The following ADAMTS12 variants were observed in gnomAD, a reference collection of about 807,000 sequenced individuals.
ADAMTS12 encodes ADAM metallopeptidase with thrombospondin type 1 motif 12.
ADAMTS12 carries 118 observed loss-of-function variants against 167.8 expected under a neutral mutation model. The observed-to-expected ratio is 0.70, with a 90% CI of 0.61 to 0.82. ADAMTS12 has a LOEUF of 0.82. Ranked by LOEUF, ADAMTS12 falls within the 40% of genes least tolerant of loss-of-function variation. ADAMTS12 has a pLI of 0.00. For missense variants in ADAMTS12, 1,916 were observed against 1,998.8 expected (o/e 0.96, Z 0.79); for synonymous variants, 704 against 716.9 (o/e 0.98, Z 0.29).
intron 2 of ADAMTS12, among the ~76,000 whole-genome samples, chr5:33,762,373 T>C (rs1340971585): frequency 6.6e-6 from 1 of 151,558 alleles, no homozygotes; most frequent in Non-Finnish European, 1.5e-5. Flanking sequence ...CGGGGCGTGG[T>C]GGCGGGCGCC....
In ADAMTS12 at chr5:33,658,258, A is replaced by C. The variant is rs755684453; in HGVS notation, c.1116T>G (p.Pro372=). The C allele has an allele frequency of 6.2e-7, 1 of 1,613,728 alleles. No individual in the cohort carries two copies. The highest frequency in any genetic ancestry group is 1.3e-5 in the African/African-American group (1 of 75,028). Residue 372 remains proline (P), a synonymous_variant, in exon 7 of 24, where the codon CCT becomes CCG. Coordinates refer to ENST00000504830, the MANE Select transcript of ADAMTS12 (RefSeq NM_030955.4). The part of the protein sequence containing the change: ...GLSHLSGMCQ[P]HRSCNINEDS... ...CTTCATTGATGTTACAACTGCGGTGAGGCTGACACATTCCTGAAAGGTGAG... is the reference window on the plus strand; with the variant it reads ...CTTCATTGATGTTACAACTGCGGTGCGGCTGACACATTCCTGAAAGGTGAG...
At chr5:33,609,150 T>C (rs947540813) in intron 16 of ADAMTS12, among the ~76,000 whole-genome samples, 4 of 152,138 alleles carry the variant, frequency 2.6e-5, no homozygotes, top group African/African-American at 9.7e-5. Flanking sequence ...TTGGAATAAT[T>C]GATTATTCCT....
At chr5:33,631,854 C>T (rs1427101081) in intron 12 of ADAMTS12, among the ~76,000 whole-genome samples, 1 of 152,096 alleles carries the variant, frequency 6.6e-6, no homozygotes, top group Non-Finnish European at 1.5e-5. Flanking sequence ...ATGGGCAGGG[C>T]TGTTAGTTCC....
At position 33,577,139 on chromosome 5, in the gene ADAMTS12, C is replaced by T. The variant is rs899912281; in HGVS notation, c.2887G>A (p.Gly963Arg). The T allele has an allele frequency of 1.9e-6, 3 of 1,614,046 alleles. No individual in the cohort carries two copies. Among genetic ancestry groups the T allele is most frequent in the Non-Finnish European group, 2.5e-6 (3 of 1,180,028 alleles). ...WSECSVSCGG[G>R]VRIRSVTCAK... ...CATGTGACACTGCGAATCCGCACTC[C>T]ACCACCACAGGAAACAGAACACTAG... The change falls in exon 19 of 24, where the codon GGA (glycine) becomes AGA (arginine). Residue 963 changes from glycine to arginine, a missense_variant. Gly to Arg is a moderately radical substitution (Grantham distance 125). Transcript: ENST00000504830.
chr5:33,649,411 G>A lies in ADAMTS12; in HGVS notation c.1334+143C>T, dbSNP rs555249008. On this transcript the variant is annotated intron_variant, in intron 8 of 23. Coordinates refer to ENST00000504830, the MANE Select transcript of ADAMTS12 (RefSeq NM_030955.4). ...GGATCAGAATGCAGAAGTGAAATCC[G>A]CCCCTTCTGATGCCACCCTGACATG... The A allele has an allele frequency of 1.7e-5, 17 of 1,015,924 alleles. 1 individual carries two copies. Among genetic ancestry groups the A allele is most frequent in the East Asian group, 1.3e-4 (5 of 37,500 alleles). The allele number at this position is 1,015,924 out of a possible 1,614,324, so 62.9% of individuals were successfully genotyped here.
intron 3 of ADAMTS12, among the ~76,000 whole-genome samples, chr5:33,740,408 G>T (rs1420175015): frequency 6.6e-6 from 1 of 152,172 alleles, no homozygotes; most frequent in Non-Finnish European, 1.5e-5. Context: ...TAGGGCTCCG[G>T]CCTGGGGCAG....
chr5:33,722,015 G>A (rs888060171), intron 3 of ADAMTS12, among the ~76,000 whole-genome samples: 1 of 152,152 alleles, frequency 6.6e-6, no homozygotes, highest in African/African-American at 2.4e-5. Flanking sequence ...ATTTGACAAG[G>A]CTTCTTCCTT....
chr5:33,585,675 C>G (rs1747309498), intron 18 of ADAMTS12, among the ~76,000 whole-genome samples: 1 of 152,196 alleles, frequency 6.6e-6, no homozygotes, highest in African/African-American at 2.4e-5. Flanking sequence ...CTTCTTTACC[C>G]TTTAAGTCCA....
At chr5:33,529,082 A>T (rs770326092) in intron 23 of ADAMTS12, among the ~76,000 whole-genome samples, 16 of 152,226 alleles carry the variant, frequency 1.1e-4, no homozygotes, top group Non-Finnish European at 1.6e-4. Flanking sequence ...CAATGCTTCC[A>T]GAGTGAGTGA....
chr5:33,609,966 G>A (rs13176047), intron 16 of ADAMTS12, among the ~76,000 whole-genome samples: 9,093 of 152,106 alleles, frequency 0.06, 365 homozygotes, highest in Middle Eastern at 0.092. Context: ...GATCACCTGA[G>A]GTCAGGAGCT....
chr5:33,816,086 C>T (rs756826414), intron 2 of ADAMTS12, among the ~76,000 whole-genome samples: 4 of 152,150 alleles, frequency 2.6e-5, no homozygotes, highest in Non-Finnish European at 4.4e-5. Context: ...GGGCCTCCCT[C>T]AGTTTCAGTA....
chr5:33,891,635 A>C, intron 1 of ADAMTS12, 95 bp downstream of exon 1: 1 of 1,565,990 alleles, frequency 6.4e-7, no homozygotes, highest in Non-Finnish European at 8.7e-7. Context: ...TTCAGAGTTC[A>C]GTTCTGCCGG....
intron 2 of ADAMTS12, among the ~76,000 whole-genome samples, chr5:33,845,082 G>T (rs193082679): frequency 5.3e-5 from 8 of 152,158 alleles, no homozygotes; most frequent in Non-Finnish European, 1.2e-4. Flanking sequence ...TTCCATACAT[G>T]TATATTAGTA....
intron 2 of ADAMTS12, among the ~76,000 whole-genome samples, chr5:33,759,348 G>A (rs1745271386): frequency 6.6e-6 from 1 of 152,204 alleles, no homozygotes; most frequent in African/African-American, 2.4e-5. Flanking sequence ...TTTTTCTCTA[G>A]TAAAAGAAGC....
chr5:33,847,169 T>C (rs1748974898), intron 2 of ADAMTS12, among the ~76,000 whole-genome samples: 1 of 152,102 alleles, frequency 6.6e-6, no homozygotes, highest in Non-Finnish European at 1.5e-5. Flanking sequence ...AGAAGGAAAA[T>C]GTTAAAGGTG....
intron 20 of ADAMTS12, among the ~76,000 whole-genome samples, chr5:33,551,732 A>C (rs1292689160): frequency 2.6e-5 from 4 of 152,220 alleles, no homozygotes; most frequent in African/African-American, 9.6e-5. Context: ...AAAATTTATT[A>C]ATATGCTGAA....
intron 2 of ADAMTS12, among the ~76,000 whole-genome samples, chr5:33,852,329 A>C (rs1473170555): frequency 6.6e-6 from 1 of 152,238 alleles, no homozygotes; most frequent in Non-Finnish European, 1.5e-5. Flanking sequence ...TGCTTGGAAG[A>C]AAGATAGTAG....
rs1392077812 is a variant in ADAMTS12 at position 33,661,844 on chromosome 5, A to T, written c.1040+72T>A. 2.5e-6 allele frequency: 4 copies of T among 1,592,658 alleles called. No homozygotes were observed. The African/African-American group carries it at 5.4e-5, about 21-fold the overall frequency. ...TAGTGAGAATGTCATGGGTTTGAACACCTGGTAAGCCTTTCACCTGCCATC... is the reference window on the plus strand; with the variant it reads ...TAGTGAGAATGTCATGGGTTTGAACTCCTGGTAAGCCTTTCACCTGCCATC... On this transcript the variant is annotated intron_variant, in intron 6 of 23. Coordinates refer to ENST00000504830, the MANE Select transcript of ADAMTS12 (RefSeq NM_030955.4).
intron 5 of ADAMTS12, among the ~76,000 whole-genome samples, chr5:33,680,297 C>T (rs571851259): frequency 6.6e-6 from 1 of 152,214 alleles, no homozygotes; most frequent in East Asian, 1.9e-4. Flanking sequence ...ACTTCACTGG[C>T]ATCAACATGC....
Sources: allele counts gnomAD v4.1 joint callset (sites outside exome capture counted in the v4.1 genomes callset), GRCh38; gene constraint gnomAD v4.1.1; transcripts MANE v1.5; gene names NCBI Gene and HGNC (gene_info 2026-07-23, HGNC 2026-07-21).